Variants in THSD7A observed in about 807,000 individuals in gnomAD.
THSD7A encodes the protein thrombospondin type-1 domain-containing protein 7A.
In THSD7A, 96 loss-of-function variants were observed where a neutral mutation model predicts 231.3. The observed-to-expected ratio is 0.41, with a 90% CI of 0.35 to 0.49. THSD7A has a LOEUF of 0.49. Among genes scored for constraint, THSD7A ranks in the 20% least tolerant of loss-of-function variants. THSD7A has a pLI of 0.05. For synonymous variants in THSD7A, 940 were observed against 743.3 expected, an observed-to-expected ratio of 1.26 and a Z score of -4.30; for missense variants, 2,290 against 2,070.2, an observed-to-expected ratio of 1.11 and a Z score of -2.06.
At chr7:11,401,419 T>C (rs935159868) in intron 23 of THSD7A, among the ~76,000 whole-genome samples, 2 of 152,180 alleles carry the variant, frequency 1.3e-5, no homozygotes, top group African/African-American at 4.8e-5. Flanking sequence ...TTAAATTATT[T>C]ATTTATTTAT....
chr7:11,810,979 G>T (rs1342786356), intron 1 of THSD7A, among the ~76,000 whole-genome samples: 6 of 152,092 alleles, frequency 3.9e-5, no homozygotes, highest in Admixed American at 3.3e-4. Context: ...TTTCCTCATT[G>T]TTCTGTTACA....
At chr7:11,570,495 G>A (rs913908408) in intron 4 of THSD7A, among the ~76,000 whole-genome samples, 4 of 152,124 alleles carry the variant, frequency 2.6e-5, no homozygotes, top group South Asian at 2.1e-4. Flanking sequence ...GATTTGAAAC[G>A]TTCCCAACAC....
intron 1 of THSD7A, among the ~76,000 whole-genome samples, chr7:11,798,028 G>A (rs1438120903): frequency 6.6e-6 from 1 of 152,108 alleles, no homozygotes; most frequent in African/African-American, 2.4e-5. Context: ...GCAACATGAA[G>A]ATAGAAAGTC....
At position 11,444,811 on chromosome 7, in the gene THSD7A, AAACTATATATATAAT is replaced by A. The variant is rs1340324582; in HGVS notation, c.3064+1235_3064+1249del. ...TGTGTGTGTGTGTGTGTGTGTGTAT[AAACTATATATATAAT>A]TAAACTATATATATAATTAAACTAT... On this transcript the variant is annotated intron_variant, in intron 13 of 27. Coordinates refer to ENST00000423059, the MANE Select transcript of THSD7A (RefSeq NM_015204.3). The surrounding 1 kb of genome is among the most constrained non-coding windows in gnomAD (Gnocchi z 4.2). Among the ~76,000 whole-genome samples, 59 of 147,298 alleles carry A rather than the reference AAACTATATATATAAT, an allele frequency of 4.0e-4. No individual in the cohort carries two copies. The highest frequency in any genetic ancestry group is 1.3e-3 in the African/African-American group (52 of 40,470).
intron 2 of THSD7A, among the ~76,000 whole-genome samples, chr7:11,627,964 C>A (rs1356976195): frequency 2.0e-5 from 3 of 151,910 alleles, no homozygotes; most frequent in Non-Finnish European, 4.4e-5. Flanking sequence ...TAATAATGCA[C>A]CTCCTCATGA....
At chr7:11,817,707 A>C (rs1339204345) in intron 1 of THSD7A, among the ~76,000 whole-genome samples, 1 of 152,254 alleles carries the variant, frequency 6.6e-6, no homozygotes, top group Non-Finnish European at 1.5e-5. Flanking sequence ...CTGTAGATTT[A>C]TCTCAAGCTA....
chr7:11,447,489 C>G (rs1233327917), intron 11 of THSD7A, 65 bp from the exon 12 acceptor site: 2 of 1,352,462 alleles, frequency 1.5e-6, no homozygotes, highest in African/African-American at 3.0e-5. Context: ...AATTTAGAAG[C>G]TAACCTAACA....
intron 1 of THSD7A, among the ~76,000 whole-genome samples, chr7:11,817,922 T>G (rs116085058): frequency 6.6e-6 from 1 of 152,164 alleles, no homozygotes; most frequent in East Asian, 1.9e-4. Context: ...CATATATTTA[T>G]TTAACTAGTT....
At chr7:11,826,154 A>G (rs538772071) in intron 1 of THSD7A, among the ~76,000 whole-genome samples, 31 of 152,342 alleles carry the variant, frequency 2.0e-4, no homozygotes, top group African/African-American at 7.5e-4. Context: ...TAAAGGACAC[A>G]CTGACTGTCA....
chr7:11,480,327 C>T (rs1002547127), intron 7 of THSD7A, among the ~76,000 whole-genome samples: 2 of 152,078 alleles, frequency 1.3e-5, no homozygotes, highest in Non-Finnish European at 2.9e-5. Flanking sequence ...AAAATCCTTG[C>T]CATGTGACTC....
At chr7:11,581,256 T>G (rs567155309) in intron 4 of THSD7A, among the ~76,000 whole-genome samples, 1 of 152,130 alleles carries the variant, frequency 6.6e-6, no homozygotes, top group Non-Finnish European at 1.5e-5. Flanking sequence ...TAACTGGGTA[T>G]TTATACGTAC....
At chr7:11,709,802 T>C (rs899996149) in intron 1 of THSD7A, among the ~76,000 whole-genome samples, 6 of 150,834 alleles carry the variant, frequency 4.0e-5, no homozygotes, top group African/African-American at 1.2e-4. Flanking sequence ...GCAAGTTTGT[T>C]TGTCAAGAAA....
At chr7:11,499,775 T>G (rs1338928824) in intron 6 of THSD7A, among the ~76,000 whole-genome samples, 1 of 152,100 alleles carries the variant, frequency 6.6e-6, no homozygotes, top group African/African-American at 2.4e-5. Flanking sequence ...AAAGAACAAC[T>G]ATTAAAAAGG....
chr7:11,550,670 C>A (rs62434462), intron 4 of THSD7A, among the ~76,000 whole-genome samples: 8,335 of 152,208 alleles, frequency 0.055, 317 homozygotes, highest in African/African-American at 0.089. Context: ...TATTAAACCT[C>A]ATTTCTTTAA....
intron 6 of THSD7A, among the ~76,000 whole-genome samples, chr7:11,507,629 G>T (rs182002644): frequency 1.4e-5 from 2 of 145,078 alleles, no homozygotes; most frequent in African/African-American, 5.0e-5. Flanking sequence ...TTTAACTGCT[G>T]GAGTTGTTAC....
At position 11,470,098 on chromosome 7, in the gene THSD7A, T is replaced by C. The variant is rs928302457; in HGVS notation, c.2253-104A>G. 3.9e-6 allele frequency: 3 copies of C among 760,030 alleles called. No individual in the cohort carries two copies. In the African/African-American group the frequency reaches 5.2e-5, roughly 13 times the overall value. The allele number at this position is 760,030 out of a possible 1,614,324, so 47.1% of individuals were successfully genotyped here. A position where few individuals can be genotyped will look rare whatever the true frequency, so the allele number is the denominator to read the frequency against. On this transcript the variant is annotated intron_variant, in intron 8 of 27. Coordinates refer to ENST00000423059, the MANE Select transcript of THSD7A (RefSeq NM_015204.3). ...CTGGTAAAATTGCAAAACAAGTCACTCATCTGTATTATTTAACTTCCAGGA... is the reference window on the plus strand; with the variant it reads ...CTGGTAAAATTGCAAAACAAGTCACCCATCTGTATTATTTAACTTCCAGGA...
intron 15 of THSD7A, among the ~76,000 whole-genome samples, chr7:11,425,424 A>C (rs1784285520): frequency 6.6e-6 from 1 of 152,110 alleles, no homozygotes; most frequent in African/African-American, 2.4e-5. Flanking sequence ...TCAATCATTT[A>C]AGGCTTGGAA....
At chr7:11,701,222 C>A (rs1294219382) in intron 1 of THSD7A, among the ~76,000 whole-genome samples, 1 of 150,944 alleles carries the variant, frequency 6.6e-6, no homozygotes, top group African/African-American at 2.4e-5. Flanking sequence ...CACACCAAGG[C>A]AGATCAGACT....
intron 3 of THSD7A, among the ~76,000 whole-genome samples, chr7:11,591,770 G>T (rs1465515884): frequency 6.6e-6 from 1 of 152,134 alleles, no homozygotes; most frequent in East Asian, 1.9e-4. Flanking sequence ...AATAATTGAT[G>T]CCTGGTTTGG....
Sources: allele counts gnomAD v4.1 joint callset (sites outside exome capture counted in the v4.1 genomes callset), GRCh38; gene constraint gnomAD v4.1.1; non-coding constraint Gnocchi (gnomAD v3.1); transcripts MANE v1.5; gene names NCBI Gene and HGNC (gene_info 2026-07-23, HGNC 2026-07-21).